EP400: variants seen among roughly 807,000 people sequenced by gnomAD.
EP400 encodes the protein E1A-binding protein p400.
In EP400, 105 loss-of-function variants were observed where a neutral mutation model predicts 354.1. The ratio of observed to expected loss-of-function variants is 0.30; its 90% CI spans 0.25 to 0.35. The LOEUF (loss-of-function observed/expected upper bound fraction) is 0.35. Among genes scored for constraint, EP400 ranks in the 10% least tolerant of loss-of-function variants. The pLI, the probability that EP400 is intolerant of heterozygous loss-of-function variation, is 1.00. For missense variants in EP400, 3,280 were observed against 4,121.0 expected, an observed-to-expected ratio of 0.80 and a Z score of 5.59; for synonymous variants, 1,646 against 1,716.9, an observed-to-expected ratio of 0.96 and a Z score of 1.02.
intron 6 of EP400, among the ~76,000 whole-genome samples, chr12:131,987,485 G>T (rs937232572): frequency 1.3e-5 from 2 of 152,260 alleles, no homozygotes; most frequent in Non-Finnish European, 1.5e-5. Flanking sequence ...TTCTTCTAAG[G>T]CTCCTGGAAG....
At chr12:132,063,514 A>AT (rs1425216728) in intron 47 of EP400, among the ~76,000 whole-genome samples, 1 of 152,240 alleles carries the variant, frequency 6.6e-6, no homozygotes, top group Non-Finnish European at 1.5e-5. Flanking sequence ...GGAAAAAAAA[A>AT]GGAAATGTTA....
intron 2 of EP400, among the ~76,000 whole-genome samples, chr12:131,969,371 C>T (rs1425322933): frequency 6.6e-6 from 1 of 152,166 alleles, no homozygotes; most frequent in African/African-American, 2.4e-5. Flanking sequence ...CAAGTACATA[C>T]ACCCATGTAA....
At chr12:131,998,879 A>ACTTTGTATACAGTCTTGTATACAAAGT (rs1489087958) in intron 12 of EP400, among the ~76,000 whole-genome samples, 2,618 of 82,672 alleles carry the variant, frequency 0.032, 769 homozygotes, top group Non-Finnish European at 0.035. Context: ...GTATACAAAG[A>ACTTTGTATACAGTCTTGTATACAAAGT]CTTTGTATAC....
At chr12:131,971,117 T>C (rs1892274211) in intron 2 of EP400, among the ~76,000 whole-genome samples, 3 of 152,110 alleles carry the variant, frequency 2.0e-5, no homozygotes, top group Admixed American at 6.6e-5. Context: ...GGCGGGAAGA[T>C]CGCTTGAGCC....
At chr12:132,061,366 T>C (rs1330035183) in intron 45 of EP400, among the ~76,000 whole-genome samples, 1 of 152,104 alleles carries the variant, frequency 6.6e-6, no homozygotes, top group East Asian at 1.9e-4. Flanking sequence ...ATGGAAAACA[T>C]GGAGTAACAC....
At chr12:132,045,257 T>C (rs925795540) in intron 37 of EP400, 62 bp from the exon 38 acceptor site, 3 of 1,589,544 alleles carry the variant, frequency 1.9e-6, no homozygotes, top group Admixed American at 1.7e-5. Flanking sequence ...TCCTTTGTCT[T>C]TTGCCTGCCC....
chr12:131,968,211 G>A (rs774125530), intron 2 of EP400, among the ~76,000 whole-genome samples: 3 of 152,172 alleles, frequency 2.0e-5, no homozygotes, highest in East Asian at 1.9e-4. Flanking sequence ...GTGTTGTCTC[G>A]TAGAAGTTTT....
chr12:132,045,088 G>A (rs1049052359), intron 37 of EP400, 135 bp downstream of exon 37: 19 of 1,385,786 alleles, frequency 1.4e-5, no homozygotes, highest in East Asian at 9.8e-5. Flanking sequence ...ACGCCCATCC[G>A]CTGCCTCTCA....
chr12:132,033,427 A>C (rs1894590989), intron 30 of EP400, among the ~76,000 whole-genome samples: 2 of 151,966 alleles, frequency 1.3e-5, no homozygotes, highest in South Asian at 4.1e-4. Context: ...CTCACCTCTC[A>C]TGGTGACCCG....
intron 12 of EP400, among the ~76,000 whole-genome samples, chr12:131,995,304 C>T (rs1372571449): frequency 6.6e-6 from 1 of 150,704 alleles, no homozygotes; most frequent in East Asian, 2.0e-4. Context: ...TGAATGAATC[C>T]CACCACAGCT....
chr12:132,013,976 T>C lies in EP400; in HGVS notation c.3923+63T>C. On this transcript the variant is annotated intron_variant, in intron 19 of 52. Coordinates refer to ENST00000389561, the MANE Select transcript of EP400 (RefSeq NM_015409.5). The surrounding 1 kb of genome is among the most constrained non-coding windows in gnomAD (Gnocchi z 4.5). ...CCCTGCCTGTGAGGGAAAACGGCCCTTTCTGTGGCCTCAGCAGAAAGCTCC... is the reference window on the plus strand; with the variant it reads ...CCCTGCCTGTGAGGGAAAACGGCCCCTTCTGTGGCCTCAGCAGAAAGCTCC... 1 of 1,587,262 alleles carries C rather than the reference T, an allele frequency of 6.3e-7. No homozygotes were observed. Among genetic ancestry groups the C allele is most frequent in the Non-Finnish European group, 8.6e-7 (1 of 1,167,378 alleles).
intron 12 of EP400, among the ~76,000 whole-genome samples, chr12:131,995,960 T>C (rs1322202435): frequency 1.3e-5 from 2 of 152,230 alleles, no homozygotes; most frequent in African/African-American, 4.8e-5. Flanking sequence ...CTTGACTGAA[T>C]GTACCGTTCA....
chr12:132,059,719 A>G (rs1895624567), intron 45 of EP400, among the ~76,000 whole-genome samples: 1 of 152,244 alleles, frequency 6.6e-6, no homozygotes, highest in Non-Finnish European at 1.5e-5. Flanking sequence ...TAGATTTTAA[A>G]GGTTAGGCTT....
At chr12:131,966,903 C>CAAAAAAAAAAAAAAAAA (rs1179689543) in intron 2 of EP400, among the ~76,000 whole-genome samples, 8 of 57,836 alleles carry the variant, frequency 1.4e-4, no homozygotes, top group Non-Finnish European at 2.6e-4. Flanking sequence ...AGACTTGTCT[C>CAAAAAAAAAAAAAAAAA]AAAAAAAAAA....
rs182347369 is a variant in EP400 at position 132,056,187 on chromosome 12, G to T, written c.7884+979G>T. Among the ~76,000 whole-genome samples, 179 of 152,194 alleles carry T rather than the reference G, an allele frequency of 1.2e-3. 1 individual carries two copies. The highest frequency in any genetic ancestry group is 2.2e-3 in the Non-Finnish European group (148 of 67,998). ...AATAAGGAGCTCAGATTTGTATCTC[G>T]ATTTTCCAAATAGTTCACAGACCCA... is the stretch of plus-strand genomic sequence containing the variant. On this transcript the variant is annotated intron_variant, in intron 45 of 52. Transcript: ENST00000389561.
Position 132,021,076 on chromosome 12 carries a change from C to T in EP400, c.4448-3C>T. Reference sequence around the variant, plus strand: ...TTGCACAAACAAACCTTATCGATTGCAGCAGCAGCAGCCCCGTTTCAGACC... The same window carrying T: ...TTGCACAAACAAACCTTATCGATTGTAGCAGCAGCAGCCCCGTTTCAGACC... On this transcript the variant is annotated splice_region_variant and splice_polypyrimidine_tract_variant and intron_variant, in intron 22 of 52. Transcript: ENST00000389561. 6.3e-7 allele frequency: 1 copy of T among 1,590,044 alleles called. No individual in the cohort carries two copies. The highest frequency in any genetic ancestry group is 2.3e-5 in the East Asian group (1 of 44,370).
At chr12:131,983,357 A>G (rs1397693889) in intron 5 of EP400, among the ~76,000 whole-genome samples, 4 of 152,240 alleles carry the variant, frequency 2.6e-5, no homozygotes. Flanking sequence ...ACACATGTGT[A>G]AGGCGTTACT....
chr12:131,972,019 G>T (rs751217063), intron 2 of EP400, among the ~76,000 whole-genome samples: 23 of 152,098 alleles, frequency 1.5e-4, no homozygotes, highest in Non-Finnish European at 3.1e-4. Context: ...AAACCAAGGA[G>T]CCTCCATTTT....
Position 132,050,540 on chromosome 12 carries a change from T to TA in EP400, c.7338-58dup. 6.2e-7 allele frequency: 1 copy of TA among 1,613,314 alleles called. No homozygotes were observed. Among genetic ancestry groups the TA allele is most frequent in the Non-Finnish European group, 8.5e-7 (1 of 1,179,248 alleles). ...GCTTGGTTTTGATGTGTTTTTAACATACCCTTCTTCAGATATTTCCTTTAT... is the reference window on the plus strand; with the variant it reads ...GCTTGGTTTTGATGTGTTTTTAACATAACCCTTCTTCAGATATTTCCTTTAT... On this transcript the variant is annotated intron_variant, in intron 40 of 52. Transcript: ENST00000389561. This position sits in a 1 kb window ranked among gnomAD's most constrained non-coding sequence, Gnocchi z 4.8.
Sources: allele counts gnomAD v4.1 joint callset (sites outside exome capture counted in the v4.1 genomes callset), GRCh38; gene constraint gnomAD v4.1.1; non-coding constraint Gnocchi (gnomAD v3.1); transcripts MANE v1.5; gene names NCBI Gene and HGNC (gene_info 2026-07-23, HGNC 2026-07-21).